Variants in SMC2 observed in about 807,000 individuals in gnomAD.
SMC2 encodes structural maintenance of chromosomes 2, also known as structural maintenance of chromosomes protein 2.
Under a neutral mutation model 142.6 loss-of-function variants are expected in SMC2, and 41 were observed. The observed-to-expected ratio is 0.29, with a 90% CI of 0.22 to 0.37. The LOEUF is 0.37. SMC2 is among the 10% of genes least tolerant of loss of function. SMC2 has a pLI of 1.00. For missense variants in SMC2, 1,265 were observed against 1,373.7 expected (o/e 0.92, Z 1.25); for synonymous variants, 463 against 457.5 (o/e 1.01, Z -0.15).
chr9:104,110,399 A>G (rs765675228), intron 9 of SMC2, among the ~76,000 whole-genome samples: 23 of 152,190 alleles, frequency 1.5e-4, no homozygotes, highest in Non-Finnish European at 2.1e-4. Flanking sequence ...TTATGCTTTT[A>G]ATATCTTTTT....
chr9:104,098,041 C>T (rs1293533289), intron 3 of SMC2, among the ~76,000 whole-genome samples: 1 of 152,132 alleles, frequency 6.6e-6, no homozygotes, highest in Non-Finnish European at 1.5e-5. Context: ...TGAATCTTGT[C>T]AAGAATTGAT....
rs535724650 is a variant in SMC2 at position 104,099,981 on chromosome 9, C to T, written c.481-112C>T. The T allele has an allele frequency of 5.8e-6, 4 of 684,536 alleles. No homozygotes were observed. The African/African-American group carries it at 7.5e-5, about 13-fold the overall frequency. The allele number at this position is 684,536 out of a possible 1,614,324, so 42.4% of individuals were successfully genotyped here. ...TTTAACCTATATGGTTCATTTGGGC[C>T]AACTTTTGGTAAGATGTTTAGTGAG... On this transcript the variant is annotated intron_variant, in intron 5 of 24. Coordinates refer to ENST00000374793, the MANE Select transcript of SMC2 (RefSeq NM_006444.3).
chr9:104,104,705 A>G (rs1564077080), intron 9 of SMC2, among the ~76,000 whole-genome samples: 1 of 152,188 alleles, frequency 6.6e-6, no homozygotes, highest in Admixed American at 6.5e-5. Context: ...TTATCCTCCA[A>G]TCTAGGTATC....
rs1357756052 is a variant in SMC2 at position 104,140,524 on chromosome 9, A to T, written c.*1209A>T. On this transcript the variant is annotated 3_prime_UTR_variant, in exon 25 of 25. Transcript: ENST00000374793. The stretch of plus-strand genomic sequence containing the variant: ...GTTATTATCATACTTCCCCTGATAT[A>T]TGGCCGTACTTCCTGGCCCTGGGCT... 2 of 152,506 alleles carry T rather than the reference A, an allele frequency of 1.3e-5. No homozygotes were observed. Among genetic ancestry groups the T allele is most frequent in the African/African-American group, 4.8e-5 (2 of 41,416 alleles). 9.4% of individuals were successfully genotyped at this position (152,506 alleles called of 1,614,324 possible).
chr9:104,132,056 C>G lies in SMC2; in HGVS notation c.3039C>G (p.Ser1013=), dbSNP rs1835035467. 1.0e-5 allele frequency: 16 copies of G among 1,600,830 alleles called. No individual in the cohort carries two copies. Among genetic ancestry groups the G allele is most frequent in the Non-Finnish European group, 1.3e-5 (15 of 1,173,254 alleles). ...AGAGAATTGTAGAAAATGACAAATC[C>G]AAAATTCTTACAACTATAGAAGACC... ...KKKRIVENDK[S]KILTTIEDLD... is the part of the protein sequence containing the mutation. The change falls in exon 22 of 25, where the codon TCC becomes TCG. Residue 1013 remains serine (S), a synonymous_variant. Coordinates refer to ENST00000374793, the MANE Select transcript of SMC2 (RefSeq NM_006444.3).
chr9:104,106,595 G>A (rs1177113482), intron 9 of SMC2, among the ~76,000 whole-genome samples: 1 of 152,058 alleles, frequency 6.6e-6, no homozygotes, highest in Non-Finnish European at 1.5e-5. Context: ...GTTCCTCCAC[G>A]TTTGTCAGTC....
At chr9:104,090,784 G>C (rs1829973369), upstream of SMC2, among the ~76,000 whole-genome samples, 1 of 152,162 alleles carries the variant, frequency 6.6e-6, no homozygotes, top group Non-Finnish European at 1.5e-5. Context: ...CACTGAGTAA[G>C]AGTCAGTGGA....
intron 19 of SMC2, among the ~76,000 whole-genome samples, 172 bp downstream of exon 19, chr9:104,126,956 C>T (rs1408531927): frequency 6.6e-6 from 1 of 152,148 alleles, no homozygotes. Context: ...TCACATAGGT[C>T]AGTCAGCTTC....
intron 7 of SMC2, 104 bp downstream of exon 7, chr9:104,100,537 C>T (rs1390143091): frequency 2.7e-6 from 2 of 739,106 alleles, no homozygotes; most frequent in African/African-American, 3.7e-5. Context: ...GGGTTTTTTT[C>T]CTGCGATGAG....
intron 10 of SMC2, among the ~76,000 whole-genome samples, chr9:104,113,046 A>G (rs556382508): frequency 6.6e-6 from 1 of 152,234 alleles, no homozygotes; most frequent in East Asian, 1.9e-4. Context: ...TAATCCTTCA[A>G]TTTGAATATG....
rs779052733 is a variant in SMC2, at chr9:104,129,719, T to C, written c.2865T>C (p.Tyr955=). The change falls in exon 21 of 25, where the codon TAT becomes TAC. Residue 955 remains tyrosine, a synonymous_variant. Coordinates refer to ENST00000374793, the MANE Select transcript of SMC2 (RefSeq NM_006444.3). ...TCTTTGGCCAACCCAATAGTGCCTA[T>C]GATTTCAAAACTAACAACCCTAAAG... ...RHLFGQPNSA[Y]DFKTNNPKEA... 42 of 1,613,896 alleles carry C rather than the reference T, an allele frequency of 2.6e-5. No individual in the cohort carries two copies. The highest frequency in any genetic ancestry group is 3.6e-5 in the Non-Finnish European group (42 of 1,179,936).
intron 19 of SMC2, 98 bp downstream of exon 19, chr9:104,126,882 C>T (rs1834356196): frequency 1.7e-6 from 2 of 1,196,934 alleles, no homozygotes; most frequent in South Asian, 1.5e-5. Context: ...AGTCTTTTCA[C>T]TCGTCATCAT....
intron 9 of SMC2, among the ~76,000 whole-genome samples, chr9:104,103,409 G>T (rs1831386419): frequency 6.6e-6 from 1 of 152,104 alleles, no homozygotes; most frequent in Non-Finnish European, 1.5e-5. Flanking sequence ...ATACAGAAGA[G>T]AGTTTTTGGC....
chr9:104,112,880 G>A (rs1449929587), intron 10 of SMC2, among the ~76,000 whole-genome samples: 1 of 151,956 alleles, frequency 6.6e-6, no homozygotes, highest in Non-Finnish European at 1.5e-5. Context: ...ATAATCTTAC[G>A]TCTTATTGCT....
intron 24 of SMC2, 25 bp from the exon 25 acceptor site, chr9:104,139,114 T>A: frequency 6.6e-7 from 1 of 1,518,134 alleles, no homozygotes; most frequent in Non-Finnish European, 8.8e-7. Flanking sequence ...AAAGTTTTTT[T>A]ATACTTTTTT....
At chr9:104,097,895 A>G (rs1056207951) in intron 3 of SMC2, among the ~76,000 whole-genome samples, 2 of 152,108 alleles carry the variant, frequency 1.3e-5, no homozygotes, top group Non-Finnish European at 1.5e-5. Flanking sequence ...AGATGAGACA[A>G]TCATACCCAA....
chr9:104,120,511 A>C (rs909947553), intron 16 of SMC2, among the ~76,000 whole-genome samples: 3 of 152,200 alleles, frequency 2.0e-5, no homozygotes, highest in African/African-American at 7.2e-5. Context: ...TGATTTCTTG[A>C]TTTGACATGA....
intron 15 of SMC2, 34 bp downstream of exon 15, chr9:104,118,409 T>G: frequency 6.4e-7 from 1 of 1,558,100 alleles, no homozygotes; most frequent in Non-Finnish European, 8.8e-7. Context: ...TCACAATTCT[T>G]TGTGGTAAAT....
At chr9:104,089,942 G>A (rs1829965545), upstream of SMC2, among the ~76,000 whole-genome samples, 1 of 151,834 alleles carries the variant, frequency 6.6e-6, no homozygotes, top group South Asian at 2.1e-4. Flanking sequence ...CACCGTGCCT[G>A]GCTGAAAATA....
Sources: allele counts gnomAD v4.1 joint callset (sites outside exome capture counted in the v4.1 genomes callset), GRCh38; gene constraint gnomAD v4.1.1; transcripts MANE v1.5; gene names NCBI Gene and HGNC (gene_info 2026-07-23, HGNC 2026-07-21).